Variants in TUSC3 observed in about 807,000 individuals in gnomAD.
TUSC3 encodes tumor suppressor candidate 3.
TUSC3 carries 45 observed loss-of-function variants against 44.8 expected under a neutral mutation model. That is an observed-to-expected ratio of 1.00 (90% CI 0.79 to 1.29). The LOEUF is 1.29. Among genes scored for constraint, TUSC3 ranks in the 50% most tolerant of loss-of-function variants. The probability of loss-of-function intolerance (pLI) is 0.00; values close to 1 mark genes in which losing one functional copy is unlikely to be tolerated. For synonymous variants in TUSC3, 212 were observed against 152.9 expected (o/e 1.39, Z -2.85); for missense variants, 519 against 437.9 (o/e 1.19, Z -1.65).
intron 2 of TUSC3, among the ~76,000 whole-genome samples, chr8:15,495,249 G>C (rs1800866494): frequency 6.6e-6 from 1 of 152,124 alleles, no homozygotes; most frequent in Non-Finnish European, 1.5e-5. Flanking sequence ...TAAAATATTT[G>C]TTTTGATTTC....
intron 2 of TUSC3, among the ~76,000 whole-genome samples, chr8:15,532,868 C>G (rs933933812): frequency 4.6e-5 from 7 of 152,236 alleles, no homozygotes; most frequent in African/African-American, 1.7e-4. Flanking sequence ...TCTCCGCTCA[C>G]TGCAACCTCC....
the TUSC3 span, among the ~76,000 whole-genome samples, chr8:15,776,647 G>T: frequency 6.6e-6 from 1 of 152,028 alleles, no homozygotes; most frequent in African/African-American, 2.4e-5. Context: ...ACATTCTTTT[G>T]AAATTTATAG....
chr8:15,611,672 C>T (rs1366668), intron 1 of TUSC3, among the ~76,000 whole-genome samples: 127,508 of 152,066 alleles, frequency 0.84, 53,694 homozygotes, highest in Non-Finnish European at 0.87. Context: ...GTTTAATTTA[C>T]TGTATAGCTC....
intron 1 of TUSC3, among the ~76,000 whole-genome samples, chr8:15,432,525 G>C (rs1443126047): frequency 6.6e-6 from 1 of 151,978 alleles, no homozygotes; most frequent in African/African-American, 2.4e-5. Context: ...TGCTCTCTCT[G>C]TTCTCAAACT....
chr8:15,554,080 T>C (rs1802148276), intron 1 of TUSC3, among the ~76,000 whole-genome samples: 1 of 151,606 alleles, frequency 6.6e-6, no homozygotes, highest in African/African-American at 2.4e-5. Context: ...TTCTCGGAGA[T>C]GGCACTTCTC....
intron 3 of TUSC3, among the ~76,000 whole-genome samples, chr8:15,653,280 C>G (rs574714640): frequency 6.6e-6 from 1 of 151,896 alleles, no homozygotes; most frequent in African/African-American, 2.4e-5. Flanking sequence ...GAAATGTAGG[C>G]CACATGTAGC....
intron 2 of TUSC3, among the ~76,000 whole-genome samples, chr8:15,642,534 TCTAC>T (rs1806419867): frequency 6.6e-6 from 1 of 152,198 alleles, no homozygotes; most frequent in East Asian, 1.9e-4. Context: ...TAATCTTGTG[TCTAC>T]CTTTTTGATT....
intron 1 of TUSC3, among the ~76,000 whole-genome samples, chr8:15,447,768 T>C (rs1329403139): frequency 6.6e-6 from 1 of 151,616 alleles, no homozygotes; most frequent in Admixed American, 6.6e-5. Flanking sequence ...GGAAATCAAG[T>C]GTACATGATG....
chr8:15,735,667 A>C (rs1414497394), intron 7 of TUSC3, among the ~76,000 whole-genome samples: 1 of 152,150 alleles, frequency 6.6e-6, no homozygotes, highest in East Asian at 1.9e-4. Context: ...AGATCATCAT[A>C]ATAAAGATAC....
At chr8:15,769,376 T>C (rs1271943410), downstream of TUSC3, among the ~76,000 whole-genome samples, 3 of 152,168 alleles carry the variant, frequency 2.0e-5, no homozygotes, top group Non-Finnish European at 4.4e-5. Context: ...GCTAGCTATA[T>C]GCAGAAAACT....
At chr8:15,547,745 C>T (rs1021119691) in intron 1 of TUSC3, among the ~76,000 whole-genome samples, 1 of 151,268 alleles carries the variant, frequency 6.6e-6, no homozygotes, top group Non-Finnish European at 1.5e-5. Context: ...TAAATAGGAC[C>T]CCAGAGAGCT....
At chr8:15,779,116 TTTC>T in the TUSC3 span, among the ~76,000 whole-genome samples, 10,910 of 83,242 alleles carry the variant, frequency 0.13, 634 homozygotes, top group African/African-American at 0.29. Context: ...TTTTTTTTTT[TTTC>T]CACGTTACTT....
intron 1 of TUSC3, among the ~76,000 whole-genome samples, chr8:15,436,467 A>G (rs374546387): frequency 6.6e-6 from 1 of 152,188 alleles, no homozygotes; most frequent in East Asian, 1.9e-4. Flanking sequence ...TGTTTAGACT[A>G]ACTTGATCTT....
intron 1 of TUSC3, among the ~76,000 whole-genome samples, chr8:15,467,919 T>A (rs1235608493): frequency 6.6e-6 from 1 of 152,204 alleles, no homozygotes. Context: ...AATAAGCATT[T>A]AACTTTATGT....
chr8:15,581,902 C>CG (rs1451825501), intron 1 of TUSC3, among the ~76,000 whole-genome samples: 64 of 143,402 alleles, frequency 4.5e-4, no homozygotes, highest in African/African-American at 1.7e-3. Context: ...GCGCCCCTCC[C>CG]CCAGCCTCGC....
intron 1 of TUSC3, among the ~76,000 whole-genome samples, chr8:15,451,643 A>G (rs1231097479): frequency 6.6e-6 from 1 of 152,124 alleles, no homozygotes; most frequent in Non-Finnish European, 1.5e-5. Flanking sequence ...TCCTCTTAGA[A>G]TAAAAGAGTA....
intron 1 of TUSC3, among the ~76,000 whole-genome samples, chr8:15,584,879 A>C (rs1206719852): frequency 1.3e-5 from 2 of 152,194 alleles, no homozygotes; most frequent in Non-Finnish European, 2.9e-5. Flanking sequence ...AATTGGAGGT[A>C]AAGCTTTGAG....
intron 1 of TUSC3, among the ~76,000 whole-genome samples, chr8:15,445,314 T>C (rs1231250340): frequency 6.6e-6 from 1 of 151,500 alleles, no homozygotes; most frequent in Non-Finnish European, 1.5e-5. Flanking sequence ...CCCAGGATTT[T>C]ATTTTTTTTT....
At chr8:15,573,399 T>C (rs1030700241) in intron 1 of TUSC3, among the ~76,000 whole-genome samples, 2 of 151,682 alleles carry the variant, frequency 1.3e-5, no homozygotes, top group African/African-American at 4.8e-5. Context: ...TCCTACACAA[T>C]AGCGTGGCGG....
Sources: gnomAD v4.1 joint callset for allele counts (sites outside exome capture counted in the v4.1 genomes callset) on GRCh38, gnomAD v4.1.1 for gene constraint, MANE v1.5 for transcripts, NCBI Gene and HGNC (gene_info 2026-07-23, HGNC 2026-07-21) for gene names.